The following WWOX variants were observed in gnomAD, a reference collection of about 807,000 sequenced individuals.
The protein encoded by WWOX is WW domain containing oxidoreductase.
A neutral mutation model predicts 46.2 loss-of-function variants in WWOX; 69 were observed. The ratio of observed to expected loss-of-function variants is 1.49; its 90% CI spans 1.23 to 1.82. The LOEUF (loss-of-function observed/expected upper bound fraction) is 1.82. Among genes scored for constraint, WWOX ranks in the 40% most tolerant of loss-of-function variants. The probability of loss-of-function intolerance (pLI) is 0.00; values close to 1 mark genes in which losing one functional copy is unlikely to be tolerated. For synonymous variants in WWOX, 359 were observed against 202.6 expected (o/e 1.77, Z -6.56); for missense variants, 919 against 542.6 (o/e 1.69, Z -6.89).
intron 8 of WWOX, among the ~76,000 whole-genome samples, chr16:78,654,958 A>G (rs900855924): frequency 2.6e-5 from 4 of 152,082 alleles, no homozygotes; most frequent in Admixed American, 6.5e-5. Context: ...TTGATCATCT[A>G]TGTGACCACA....
At chr16:79,096,887 T>G (rs2049085517) in intron 8 of WWOX, among the ~76,000 whole-genome samples, 1 of 152,062 alleles carries the variant, frequency 6.6e-6, no homozygotes, top group South Asian at 2.1e-4. Context: ...TCTCACTAGA[T>G]TCTTTATACT....
At chr16:78,436,354 G>A (rs190643810) in intron 8 of WWOX, among the ~76,000 whole-genome samples, 1 of 152,248 alleles carries the variant, frequency 6.6e-6, no homozygotes, top group African/African-American at 2.4e-5. Flanking sequence ...TCTCCAACCT[G>A]CACGTCTCAT....
At chr16:78,505,325 G>T (rs1364862557) in intron 8 of WWOX, among the ~76,000 whole-genome samples, 1 of 152,160 alleles carries the variant, frequency 6.6e-6, no homozygotes, top group Non-Finnish European at 1.5e-5. Flanking sequence ...GCAGCTTCTG[G>T]CTTGACAATG....
At chr16:78,797,035 A>G (rs2050757362) in intron 8 of WWOX, among the ~76,000 whole-genome samples, 1 of 152,058 alleles carries the variant, frequency 6.6e-6, no homozygotes, top group African/African-American at 2.4e-5. Context: ...CATGTTGGCC[A>G]GTCTGGTCTG....
intron 8 of WWOX, among the ~76,000 whole-genome samples, chr16:79,196,758 T>C (rs2051248737): frequency 6.6e-6 from 1 of 152,046 alleles, no homozygotes; most frequent in Non-Finnish European, 1.5e-5. Context: ...TGTTACAACA[T>C]GTAGATTTCA....
intron 5 of WWOX, among the ~76,000 whole-genome samples, chr16:78,364,001 C>T (rs2081473827): frequency 1.3e-5 from 2 of 152,204 alleles, no homozygotes; most frequent in East Asian, 1.9e-4. Context: ...TTCTTCAAAA[C>T]AATTTAATAA....
chr16:78,414,573 C>T (rs983660211), intron 6 of WWOX, among the ~76,000 whole-genome samples: 19 of 152,108 alleles, frequency 1.2e-4, no homozygotes, highest in African/African-American at 3.4e-4. Context: ...TTAAAACAAA[C>T]AAACAAACAA....
intron 5 of WWOX, among the ~76,000 whole-genome samples, chr16:78,354,283 G>C (rs1417280014): frequency 6.7e-6 from 1 of 148,896 alleles, no homozygotes; most frequent in Non-Finnish European, 1.5e-5. Context: ...TTGGCATAGG[G>C]AGAAGACAGT....
rs1017110631 is a variant in WWOX at position 78,869,278 on chromosome 16, G to C, written c.1057-342330G>C. 2.6e-5 allele frequency among the ~76,000 whole-genome samples: 4 copies of C among 152,268 alleles called. 1 individual carries two copies. Among genetic ancestry groups the C allele is most frequent in the East Asian group, 1.9e-4 (1 of 5,182 alleles). On this transcript the variant is annotated intron_variant, in intron 8 of 8. Coordinates refer to ENST00000566780, the MANE Select transcript of WWOX (RefSeq NM_016373.4). Reference sequence around the variant, plus strand: ...CCTGCTGGAAATGAAACACTTAGGGGTTAGAAGGGGATCAAGGAAAGTCCG... The same window carrying C: ...CCTGCTGGAAATGAAACACTTAGGGCTTAGAAGGGGATCAAGGAAAGTCCG...
chr16:78,806,324 G>C (rs2051036713), intron 8 of WWOX, among the ~76,000 whole-genome samples: 1 of 152,138 alleles, frequency 6.6e-6, no homozygotes, highest in African/African-American at 2.4e-5. Flanking sequence ...ATTAAAGTTT[G>C]ACTATATTCC....
chr16:78,636,701 A>G lies in WWOX; in HGVS notation c.1056+203949A>G, dbSNP rs534454351. On this transcript the variant is annotated intron_variant, in intron 8 of 8. Coordinates refer to ENST00000566780, the MANE Select transcript of WWOX (RefSeq NM_016373.4). ...AAGTGCTCACTTACTGAGGTGTGTG[A>G]ACAAAAACAGGCAACCTAGCTCAGC... is the stretch of plus-strand genomic sequence containing the variant. Among the ~76,000 whole-genome samples, 7 of 152,318 alleles carry G rather than the reference A, an allele frequency of 4.6e-5. No individual in the cohort carries two copies. The South Asian group carries it at 1.2e-3, about 27-fold the overall frequency.
At chr16:78,452,878 T>TATATATATATATATATAC (rs752791786) in intron 8 of WWOX, among the ~76,000 whole-genome samples, 5 of 143,018 alleles carry the variant, frequency 3.5e-5, no homozygotes, top group East Asian at 2.0e-4. Context: ...TATATATATA[T>TATATATATATATATATAC]ATACATATTT....
chr16:78,261,307 A>G (rs930572751), intron 5 of WWOX, among the ~76,000 whole-genome samples: 1 of 151,022 alleles, frequency 6.6e-6, no homozygotes, highest in Non-Finnish European at 1.5e-5. Context: ...ACATACATAC[A>G]TACATATAAA....
At chr16:78,716,236 G>C (rs1317392060) in intron 8 of WWOX, among the ~76,000 whole-genome samples, 1 of 151,948 alleles carries the variant, frequency 6.6e-6, no homozygotes, top group Non-Finnish European at 1.5e-5. Context: ...GATTGAAATT[G>C]TGCTATCATG....
At chr16:78,472,809 CAAAAAAAAAAAA>C (rs756666392) in intron 8 of WWOX, among the ~76,000 whole-genome samples, 4 of 50,900 alleles carry the variant, frequency 7.9e-5, no homozygotes, top group African/African-American at 1.7e-4. Flanking sequence ...AACTCCATCT[CAAAAAAAAAAAA>C]AAAAAAAAAA....
At chr16:79,116,048 A>C (rs1353168158) in intron 8 of WWOX, among the ~76,000 whole-genome samples, 1 of 152,230 alleles carries the variant, frequency 6.6e-6, no homozygotes, top group Non-Finnish European at 1.5e-5. Flanking sequence ...TCTTAAGTGT[A>C]CAATAGCATT....
At chr16:79,071,130 A>G (rs1347068864) in intron 8 of WWOX, among the ~76,000 whole-genome samples, 1 of 152,172 alleles carries the variant, frequency 6.6e-6, no homozygotes, top group Non-Finnish European at 1.5e-5. Context: ...CTGCCTGTAC[A>G]TTTCCAGGCT....
chr16:78,560,428 A>G (rs1433673418), intron 8 of WWOX, among the ~76,000 whole-genome samples: 4 of 152,154 alleles, frequency 2.6e-5, no homozygotes, highest in African/African-American at 9.7e-5. Flanking sequence ...GGATCACCTG[A>G]GGTCAGGAGT....
chr16:78,627,772 C>G (rs1403777537), intron 8 of WWOX, among the ~76,000 whole-genome samples: 1 of 152,186 alleles, frequency 6.6e-6, no homozygotes, highest in Non-Finnish European at 1.5e-5. Flanking sequence ...GTTGACTAGA[C>G]AAAAGGTGCA....
Sources: gnomAD v4.1 joint callset for allele counts (sites outside exome capture counted in the v4.1 genomes callset) on GRCh38, gnomAD v4.1.1 for gene constraint, MANE v1.5 for transcripts, NCBI Gene and HGNC (gene_info 2026-07-23, HGNC 2026-07-21) for gene names.